Variants in ZNF181 observed in about 807,000 individuals in gnomAD.
ZNF181 encodes zinc finger protein 181 (HHZ181).
In ZNF181, 8 loss-of-function variants were observed where a neutral mutation model predicts 11.9. That is an observed-to-expected ratio of 0.67 (90% CI 0.39 to 1.21). The LOEUF (loss-of-function observed/expected upper bound fraction) is 1.21. Among genes scored for constraint, ZNF181 ranks in the 50% most tolerant of loss-of-function variants. ZNF181 has a pLI of 0.01. For missense variants in ZNF181, 542 were observed against 670.9 expected, an observed-to-expected ratio of 0.81 and a Z score of 2.12; for synonymous variants, 202 against 221.1, an observed-to-expected ratio of 0.91 and a Z score of 0.77.
rs3826983 is a variant in ZNF181 at position 34,740,748 on chromosome 19, T to C, written c.367T>C (p.Tyr123His). The change falls in exon 4 of 4, where the codon TAT becomes CAT. Residue 123 changes from tyrosine to histidine, a missense_variant. Physicochemically the swap from Tyr to His is moderately conservative, Grantham distance 83. Coordinates refer to ENST00000492450, the MANE Select transcript of ZNF181 (RefSeq NM_001029997.4). ...EFSNSKKNLE[Y>H]IEKLEGKHGS... ...TTCAAATTCTAAGAAGAATTTGGAA[T>C]ATATAGAGAAGTTGGAAGGGAAGCA... 4 of 1,613,642 alleles carry C rather than the reference T, an allele frequency of 2.5e-6. No homozygotes were observed. Among genetic ancestry groups the C allele is most frequent in the African/African-American group, 1.3e-5 (1 of 75,004 alleles).
chr19:34,741,221 T>C lies in ZNF181; in HGVS notation c.840T>C (p.Leu280=). 6.2e-7 allele frequency: 1 copy of C among 1,614,070 alleles called. No individual in the cohort carries two copies. The highest frequency in any genetic ancestry group is 8.5e-7 in the Non-Finnish European group (1 of 1,179,938). ...CGKTFSHGSS[L]TRHLISHSGE... Reference sequence around the variant, plus strand: ...AGACTTTTAGCCATGGCTCATCCCTTACACGACATCTGATAAGCCATAGTG... The same window carrying C: ...AGACTTTTAGCCATGGCTCATCCCTCACACGACATCTGATAAGCCATAGTG... The change falls in exon 4 of 4, where the codon CTT becomes CTC. Residue 280 remains leucine, a synonymous_variant. Transcript: ENST00000492450.
In ZNF181 at chr19:34,742,984, A is replaced by G. The variant is rs1336419871; in HGVS notation, c.*887A>G. 2 of 152,196 alleles carry G rather than the reference A, an allele frequency of 1.3e-5. No individual in the cohort carries two copies. The highest frequency in any genetic ancestry group is 4.8e-5 in the African/African-American group (2 of 41,458). The allele number at this position is 152,196 out of a possible 1,614,324, so 9.4% of individuals were successfully genotyped here. On this transcript the variant is annotated 3_prime_UTR_variant, in exon 4 of 4. Coordinates refer to ENST00000492450, the MANE Select transcript of ZNF181 (RefSeq NM_001029997.4). Reference sequence around the variant, plus strand: ...AGAAAAATGACCTGCTCTTTATACTAAGAATAGCAGTATTTTGATGAGGAT... The same window carrying G: ...AGAAAAATGACCTGCTCTTTATACTGAGAATAGCAGTATTTTGATGAGGAT...
In ZNF181 at chr19:34,740,679, C is replaced by G; in HGVS notation, c.298C>G (p.Gln100Glu). The G allele has an allele frequency of 6.2e-7, 1 of 1,610,290 alleles. No individual in the cohort carries two copies. Among genetic ancestry groups the G allele is most frequent in the Non-Finnish European group, 8.5e-7 (1 of 1,178,520 alleles). The change falls in exon 4 of 4, where the codon CAA becomes GAA. Residue 100 changes from glutamine (Q) to glutamate (E), a missense_variant. Physicochemically the swap from Gln to Glu is conservative, Grantham distance 29. Transcript: ENST00000492450. ...GGATAATTATGATGAAGATTCACCCCAAACAGTAATAATAGAAAAAGTTGT... is the reference window on the plus strand; with the variant it reads ...GGATAATTATGATGAAGATTCACCCGAAACAGTAATAATAGAAAAAGTTGT... ...KKDNYDEDSPQTVIIEKVVKQ... is the reference protein window; with the variant it reads ...KKDNYDEDSPETVIIEKVVKQ...
intron 1 of ZNF181, among the ~76,000 whole-genome samples, chr19:34,735,448 C>G (rs1376474433): frequency 3.9e-5 from 6 of 152,164 alleles, no homozygotes; most frequent in Non-Finnish European, 8.8e-5. Flanking sequence ...AAGCTATACA[C>G]TGTATACAGA....
Position 34,740,680 on chromosome 19 carries a change from A to G in ZNF181, c.299A>G (p.Gln100Arg), listed in dbSNP as rs1395564326. Residue 100 changes from glutamine to arginine, a missense_variant, in exon 4 of 4, where the codon CAA becomes CGA. Transcript: ENST00000492450. ...GATAATTATGATGAAGATTCACCCC[A>G]AACAGTAATAATAGAAAAAGTTGTA... ...KKDNYDEDSP[Q>R]TVIIEKVVKQ... 1 of 1,610,964 alleles carries G rather than the reference A, an allele frequency of 6.2e-7. No homozygotes were observed. Among genetic ancestry groups the G allele is most frequent in the African/African-American group, 1.3e-5 (1 of 74,708 alleles).
chr19:34,741,371 T>C lies in ZNF181; in HGVS notation c.990T>C (p.Phe330=), dbSNP rs141942541. The change falls in exon 4 of 4, where the codon TTT becomes TTC. Residue 330 remains phenylalanine (F), a synonymous_variant. Transcript: ENST00000492450. Reference sequence around the variant, plus strand: ...AATGTATGAACTGTGGAAAGTCTTTTAGTCGTGTGTCCCATCTTATTGAAC... The same window carrying C: ...AATGTATGAACTGTGGAAAGTCTTTCAGTCGTGTGTCCCATCTTATTGAAC... ...PYECMNCGKS[F]SRVSHLIEHL... 3 of 1,613,764 alleles carry C rather than the reference T, an allele frequency of 1.9e-6. No individual in the cohort carries two copies. The highest frequency in any genetic ancestry group is 1.3e-5 in the African/African-American group (1 of 74,914).
chr19:34,741,912 C>T lies in ZNF181; in HGVS notation c.1531C>T (p.His511Tyr). Residue 511 changes from histidine to tyrosine, a missense_variant, in exon 4 of 4, where the codon CAC becomes TAC. Transcript: ENST00000492450. The stretch of plus-strand genomic sequence containing the variant: ...AAACCTTACCGTACATCAGAGAATT[C>T]ACACTGGAGAAAAGCCATATAAATG... ...SSNLTVHQRI[H>Y]TGEKPYKCNE... The T allele has an allele frequency of 6.2e-7, 1 of 1,613,842 alleles. No homozygotes were observed. Among genetic ancestry groups the T allele is most frequent in the Non-Finnish European group, 8.5e-7 (1 of 1,179,888 alleles).
In ZNF181 at chr19:34,734,613, T is replaced by C. The variant is rs116266875; in HGVS notation, c.-425T>C. On this transcript the variant is annotated 5_prime_UTR_variant, in exon 1 of 4. Transcript: ENST00000492450. ...CGTCATGAAGCCGGCGCTCTACAGTTGTGTAACCTTGAACAAATGGGTTCA... is the reference window on the plus strand; with the variant it reads ...CGTCATGAAGCCGGCGCTCTACAGTCGTGTAACCTTGAACAAATGGGTTCA... The C allele has an allele frequency of 0.027, 4,677 of 170,218 alleles. 227 individuals are homozygous for C. Among genetic ancestry groups the C allele is most frequent in the African/African-American group, 0.1 (4,349 of 42,008 alleles). 10.5% of individuals were successfully genotyped at this position (170,218 alleles called of 1,614,324 possible).
At chr19:34,739,959 T>C (rs1249148873) in intron 3 of ZNF181, among the ~76,000 whole-genome samples, 1 of 152,202 alleles carries the variant, frequency 6.6e-6, no homozygotes, top group African/African-American at 2.4e-5. Flanking sequence ...TAAGAAAAGC[T>C]GTCAATTAGA....
At chr19:34,740,446 C>T (rs944032034) in intron 3 of ZNF181, among the ~76,000 whole-genome samples, 165 bp from the exon 4 acceptor site, 1 of 152,116 alleles carries the variant, frequency 6.6e-6, no homozygotes, top group African/African-American at 2.4e-5. Context: ...TTCTCTGCTC[C>T]ATTTGAGCAC....
chr19:34,741,703 C>T lies in ZNF181; in HGVS notation c.1322C>T (p.Ser441Phe). The change falls in exon 4 of 4, where the codon TCC becomes TTC. Residue 441 changes from serine (S) to phenylalanine (F), a missense_variant. Transcript: ENST00000492450. ...KPFECQKCRK[S>F]FNQLESLNMH... is the part of the protein sequence containing the mutation. ...TTTGAATGTCAGAAATGCAGGAAAT[C>T]CTTCAACCAGCTTGAATCACTGAAT... 1 of 1,613,860 alleles carries T rather than the reference C, an allele frequency of 6.2e-7. No individual in the cohort carries two copies. The highest frequency in any genetic ancestry group is 8.5e-7 in the Non-Finnish European group (1 of 1,179,866).
At chr19:34,739,086 C>T in intron 1 of ZNF181, 62 bp from the exon 2 acceptor site, 1 of 1,602,876 alleles carries the variant, frequency 6.2e-7, no homozygotes, top group Non-Finnish European at 8.5e-7. Flanking sequence ...TAATTTTACC[C>T]TTTCTTCAGT....
chr19:34,741,161 A>G lies in ZNF181; in HGVS notation c.780A>G (p.Thr260=), dbSNP rs150022079. 831 of 1,614,120 alleles carry G rather than the reference A, an allele frequency of 5.1e-4. No individual in the cohort carries two copies. The highest frequency in any genetic ancestry group is 9.9e-4 in the Middle Eastern group (6 of 6,062). Residue 260 remains threonine, a synonymous_variant, in exon 4 of 4, where the codon ACA becomes ACG. Transcript: ENST00000492450. ...TCAATCGCCACTGGAGAATTCATAC[A>G]GGAGAGAAGCCCTATGAATGTCGTG... ...SILNRHWRIH[T]GEKPYECREC...
Position 34,742,219 on chromosome 19 carries a change from C to A in ZNF181, c.*122C>A, listed in dbSNP as rs1248899323. Reference sequence around the variant, plus strand: ...AAGACCTTTTAGCAAAGATGCAGGCCAGTTTGTTTATTAGACTTTATACTG... The same window carrying A: ...AAGACCTTTTAGCAAAGATGCAGGCAAGTTTGTTTATTAGACTTTATACTG... On this transcript the variant is annotated 3_prime_UTR_variant, in exon 4 of 4. Transcript: ENST00000492450. 1 of 995,494 alleles carries A rather than the reference C, an allele frequency of 1.0e-6. No individual in the cohort carries two copies. Among genetic ancestry groups the A allele is most frequent in the African/African-American group, 1.6e-5 (1 of 61,928 alleles). 61.7% of individuals were successfully genotyped at this position (995,494 alleles called of 1,614,324 possible). A position where few individuals can be genotyped will look rare whatever the true frequency, so the allele number is the denominator to read the frequency against.
chr19:34,738,116 ATTTTTC>A (rs1161305231), intron 1 of ZNF181, among the ~76,000 whole-genome samples: 1 of 152,084 alleles, frequency 6.6e-6, no homozygotes, highest in Non-Finnish European at 1.5e-5. Flanking sequence ...CCATAAATAT[ATTTTTC>A]TTTTTTGTTT....
Position 34,740,698 on chromosome 19 carries a change from A to T in ZNF181, c.317A>T (p.Lys106Ile). Reference sequence around the variant, plus strand: ...TCACCCCAAACAGTAATAATAGAAAAAGTTGTAAAACAAAGTTATGAATTT... The same window carrying T: ...TCACCCCAAACAGTAATAATAGAAATAGTTGTAAAACAAAGTTATGAATTT... The part of the protein sequence containing the change: ...EDSPQTVIIE[K>I]VVKQSYEFSN... The change falls in exon 4 of 4, where the codon AAA becomes ATA. Residue 106 changes from lysine to isoleucine, a missense_variant. Coordinates refer to ENST00000492450, the MANE Select transcript of ZNF181 (RefSeq NM_001029997.4). 6.2e-7 allele frequency: 1 copy of T among 1,612,838 alleles called. No homozygotes were observed. Among genetic ancestry groups the T allele is most frequent in the East Asian group, 2.2e-5 (1 of 44,862 alleles).
chr19:34,739,261 C>T lies in ZNF181; in HGVS notation c.123C>T (p.Val41=). 6.2e-7 allele frequency: 1 copy of T among 1,613,756 alleles called. No individual in the cohort carries two copies. Among genetic ancestry groups the T allele is most frequent in the Admixed American group, 1.7e-5 (1 of 60,020 alleles). ...DVMVQNYENL[V]SVAGLSVTKP... Reference sequence around the variant, plus strand: ...TGGTCCAGAATTATGAGAACCTGGTCTCTGTAGGTAAGGATATTACCCCTT... The same window carrying T: ...TGGTCCAGAATTATGAGAACCTGGTTTCTGTAGGTAAGGATATTACCCCTT... Residue 41 remains valine (V), a synonymous_variant, in exon 2 of 4, where the codon GTC becomes GTT. Transcript: ENST00000492450.
At position 34,740,744 on chromosome 19, in the gene ZNF181, G is replaced by T. The variant is rs761373537; in HGVS notation, c.363G>T (p.Leu121Phe). Residue 121 changes from leucine to phenylalanine, a missense_variant, in exon 4 of 4, where the codon TTG becomes TTT. Transcript: ENST00000492450. ...SYEFSNSKKNLEYIEKLEGKH... is the reference protein window; with the variant it reads ...SYEFSNSKKNFEYIEKLEGKH... ...AATTTTCAAATTCTAAGAAGAATTTGGAATATATAGAGAAGTTGGAAGGGA... is the reference window on the plus strand; with the variant it reads ...AATTTTCAAATTCTAAGAAGAATTTTGAATATATAGAGAAGTTGGAAGGGA... 3.7e-6 allele frequency: 6 copies of T among 1,613,526 alleles called. No individual in the cohort carries two copies. The highest frequency in any genetic ancestry group is 5.1e-6 in the Non-Finnish European group (6 of 1,179,796).
At position 34,740,892 on chromosome 19, in the gene ZNF181, T is replaced by C. The variant is rs1292184043; in HGVS notation, c.511T>C (p.Ser171Pro). Residue 171 changes from serine to proline, a missense_variant, in exon 4 of 4, where the codon TCT (serine) becomes CCT (proline). Coordinates refer to ENST00000492450, the MANE Select transcript of ZNF181 (RefSeq NM_001029997.4). ...CACCTTTCATTCAAAGTCTACTCTT[T>C]CTGAACCACAAAAAATTTCTGCTGA... ...RSTFHSKSTL[S>P]EPQKISAEGN... The C allele has an allele frequency of 1.2e-5, 20 of 1,613,928 alleles. No individual in the cohort carries two copies. In the East Asian group the frequency reaches 1.8e-4, roughly 14 times the overall value.
Sources: gnomAD v4.1 joint callset for allele counts (sites outside exome capture counted in the v4.1 genomes callset) on GRCh38, gnomAD v4.1.1 for gene constraint, MANE v1.5 for transcripts, NCBI Gene and HGNC (gene_info 2026-07-23, HGNC 2026-07-21) for gene names.